Variants in ACACA observed in about 807,000 individuals in gnomAD.
ACACA encodes acetyl-CoA carboxylase 1.
Under a neutral mutation model 296.1 loss-of-function variants are expected in ACACA, and 103 were observed. The observed-to-expected ratio is 0.35, with a 90% CI of 0.30 to 0.41. The LOEUF (loss-of-function observed/expected upper bound fraction) is 0.41, where lower values mean the gene tolerates loss of function less well. Ranked by LOEUF, ACACA falls within the 10% of genes least tolerant of loss-of-function variation. The pLI is 1.00. For synonymous variants in ACACA, 953 were observed against 1,038.6 expected (o/e 0.92, Z 1.58); for missense variants, 1,554 against 2,989.7 (o/e 0.52, Z 11.20).
At chr17:37,179,953 C>A (rs2048491034) in intron 40 of ACACA, among the ~76,000 whole-genome samples, 2 of 152,170 alleles carry the variant, frequency 1.3e-5, no homozygotes. Context: ...ATGTGCAGAT[C>A]AATTCTGCTC....
chr17:37,280,293 C>T (rs138829682), intron 5 of ACACA, among the ~76,000 whole-genome samples: 85 of 152,296 alleles, frequency 5.6e-4, no homozygotes, highest in African/African-American at 1.9e-3. Flanking sequence ...ACTGCGACCT[C>T]GACCTCCCGG....
rs182559426 is a variant in ACACA, at chr17:37,155,651, T to C, written c.5447+32A>G. On this transcript the variant is annotated intron_variant, in intron 43 of 55. Transcript: ENST00000616317. ...TACCATATTCTCCTTTCTTTAGTCA[T>C]GACCAAATTATTCCAATACATATAT... 3.4e-5 allele frequency: 50 copies of C among 1,465,040 alleles called. 1 individual carries two copies. In the Admixed American group the frequency reaches 6.0e-4, roughly 18 times the overall value. The allele number at this position is 1,465,040 out of a possible 1,614,324, so 90.8% of individuals were successfully genotyped here.
intron 41 of ACACA, among the ~76,000 whole-genome samples, chr17:37,175,384 A>G (rs1269402180): frequency 6.6e-6 from 1 of 152,234 alleles, no homozygotes; most frequent in Non-Finnish European, 1.5e-5. Flanking sequence ...CTGTTACTCA[A>G]AATGTCCCCA....
chr17:37,332,082 G>A (rs943097047), intron 2 of ACACA, among the ~76,000 whole-genome samples: 1 of 151,770 alleles, frequency 6.6e-6, no homozygotes, highest in Admixed American at 6.6e-5. Flanking sequence ...TCTAAATGTA[G>A]GGCCTTACCA....
intron 42 of ACACA, among the ~76,000 whole-genome samples, chr17:37,160,419 A>G (rs1007815696): frequency 2.6e-5 from 4 of 152,150 alleles, no homozygotes; most frequent in Admixed American, 1.3e-4. Flanking sequence ...CTCTCTTCTC[A>G]TTGTTTCTCT....
At chr17:37,270,987 T>G (rs1402124437) in intron 9 of ACACA, 126 bp from the exon 10 acceptor site, 9 of 729,140 alleles carry the variant, frequency 1.2e-5, no homozygotes, top group Non-Finnish European at 2.2e-5. Flanking sequence ...AATAGAAAGA[T>G]CTTCAAGATA....
chr17:37,338,314 T>TA (rs1428034145), intron 2 of ACACA, among the ~76,000 whole-genome samples: 2 of 151,184 alleles, frequency 1.3e-5, no homozygotes, highest in African/African-American at 4.9e-5. Flanking sequence ...TATTAGGTCT[T>TA]AAAAAAAGTT....
At chr17:37,198,602 C>T (rs1567800808) in intron 35 of ACACA, among the ~76,000 whole-genome samples, 2 of 152,186 alleles carry the variant, frequency 1.3e-5, no homozygotes, top group African/African-American at 4.8e-5. Context: ...CCTCATACTT[C>T]TCCACTGACT....
chr17:37,327,385 A>G (rs1023523855), intron 3 of ACACA, among the ~76,000 whole-genome samples: 1 of 152,142 alleles, frequency 6.6e-6, no homozygotes, highest in Non-Finnish European at 1.5e-5. Context: ...CGTTTTTTCT[A>G]TTTTAGAACA....
At chr17:37,247,429 G>A (rs1483890259) in intron 18 of ACACA, among the ~76,000 whole-genome samples, 4 of 150,820 alleles carry the variant, frequency 2.7e-5, no homozygotes, top group Admixed American at 6.6e-5. Flanking sequence ...GTGCAATGGC[G>A]TGATCTCGGC....
chr17:37,248,820 C>A lies in ACACA; in HGVS notation c.2082-146G>T, dbSNP rs878900824. On this transcript the variant is annotated intron_variant, in intron 16 of 55. Transcript: ENST00000616317. ...AAATGATCGTTTGTAAGGAATTGAT[C>A]ACATCAATTATGAATCTTACAATGG... 8.5e-5 allele frequency: 52 copies of A among 613,690 alleles called. 1 individual carries two copies. Among genetic ancestry groups the A allele is most frequent in the South Asian group, 6.4e-4 (41 of 64,186 alleles). 38.0% of individuals were successfully genotyped at this position (613,690 alleles called of 1,614,324 possible). A position where few individuals can be genotyped will look rare whatever the true frequency, so the allele number is the denominator to read the frequency against.
rs759788508 is a variant in ACACA, at chr17:37,235,042, G to T, written c.3179C>A (p.Thr1060Asn). The change falls in exon 25 of 56, where the codon ACT (threonine) becomes AAT (asparagine). Residue 1060 changes from threonine to asparagine, a missense_variant. Around this residue, in one of 16 missense-constraint regions of ACACA, gnomAD observed 316 missense variants for 540.9 expected, o/e 0.58. Coordinates refer to ENST00000616317, the MANE Select transcript of ACACA (RefSeq NM_198834.3). ...GTGAGAGAAGATGTAGTTCAGTACA[G>T]TGTTCATGTCACTTTTATTCTCTTC... ...LREENKSDMN[T>N]VLNYIFSHAQ... 6.2e-7 allele frequency: 1 copy of T among 1,613,794 alleles called. No individual in the cohort carries two copies. The highest frequency in any genetic ancestry group is 8.5e-7 in the Non-Finnish European group (1 of 1,179,876).
At chr17:37,405,288 T>C (rs1243747663) in intron 1 of ACACA, among the ~76,000 whole-genome samples, 1 of 152,238 alleles carries the variant, frequency 6.6e-6, no homozygotes, top group Non-Finnish European at 1.5e-5. Context: ...ATCTATCATT[T>C]AGTAATGTGT....
chr17:37,299,433 G>A, intron 3 of ACACA: 2 of 1,600,088 alleles, frequency 1.2e-6, no homozygotes, highest in Non-Finnish European at 1.7e-6. Context: ...AACCCAGGAG[G>A]ACAAGAGATA....
At chr17:37,174,436 C>T (rs1249226136) in intron 41 of ACACA, among the ~76,000 whole-genome samples, 1 of 152,014 alleles carries the variant, frequency 6.6e-6, no homozygotes, top group African/African-American at 2.4e-5. Flanking sequence ...ACACCTAGCG[C>T]CCATCTGAAA....
chr17:37,395,385 G>A (rs1017880510), intron 1 of ACACA, among the ~76,000 whole-genome samples: 2 of 149,558 alleles, frequency 1.3e-5, no homozygotes, highest in Non-Finnish European at 1.5e-5. Flanking sequence ...AGCTGAGATC[G>A]TGTCACTGCA....
intron 45 of ACACA, among the ~76,000 whole-genome samples, chr17:37,133,791 C>T (rs531390271): frequency 2.6e-5 from 4 of 152,202 alleles, no homozygotes; most frequent in African/African-American, 9.6e-5. Context: ...CATTTAAACA[C>T]AGGAGTGAGT....
chr17:37,244,755 T>G (rs746775378), intron 20 of ACACA, 21 bp from the exon 21 acceptor site: 1 of 1,614,016 alleles, frequency 6.2e-7, no homozygotes, highest in South Asian at 1.1e-5. Flanking sequence ...CAACAAGAGA[T>G]CAAGTCATCT....
chr17:37,259,216 A>G (rs966979820), intron 12 of ACACA, 144 bp downstream of exon 12: 2 of 964,318 alleles, frequency 2.1e-6, no homozygotes, highest in East Asian at 2.4e-5. Flanking sequence ...CCACACATGC[A>G]TAACACATAC....
Sources: allele counts gnomAD v4.1 joint callset (sites outside exome capture counted in the v4.1 genomes callset), GRCh38; gene constraint gnomAD v4.1.1; regional missense constraint gnomAD v4.1.1; transcripts MANE v1.5; gene names NCBI Gene and HGNC (gene_info 2026-07-23, HGNC 2026-07-21).